HCK: variants seen among roughly 807,000 people sequenced by gnomAD.
HCK encodes HCK proto-oncogene, Src family tyrosine kinase, also known as tyrosine-protein kinase HCK.
HCK carries 40 observed loss-of-function variants against 70.4 expected under a neutral mutation model. That is an observed-to-expected ratio of 0.57 (90% CI 0.44 to 0.74). The LOEUF (loss-of-function observed/expected upper bound fraction) is 0.74, where lower values mean the gene tolerates loss of function less well. HCK is among the 30% of genes least tolerant of loss of function. The probability of loss-of-function intolerance (pLI) is 0.00; values close to 1 mark genes in which losing one functional copy is unlikely to be tolerated. For missense variants in HCK, 568 were observed against 697.2 expected, an observed-to-expected ratio of 0.81 and a Z score of 2.09; for synonymous variants, 245 against 263.2, an observed-to-expected ratio of 0.93 and a Z score of 0.67.
At chr20:32,066,242 A>G (rs1330592454) in intron 1 of HCK, among the ~76,000 whole-genome samples, 1 of 149,646 alleles carries the variant, frequency 6.7e-6, no homozygotes, top group Non-Finnish European at 1.5e-5. Flanking sequence ...ACTCACCAAC[A>G]TACTATAGAT....
chr20:32,076,321 T>G (rs2045625373), intron 5 of HCK, among the ~76,000 whole-genome samples: 1 of 151,438 alleles, frequency 6.6e-6, no homozygotes, highest in Non-Finnish European at 1.5e-5. Context: ...AGAGCGATAC[T>G]CTGTCAAAAA....
intron 1 of HCK, 40 bp from the exon 2 acceptor site, chr20:32,071,622 T>C: frequency 6.2e-7 from 1 of 1,606,574 alleles, no homozygotes; most frequent in Non-Finnish European, 8.5e-7. Flanking sequence ...CGCATGAGGC[T>C]CTTGGTAACT....
intron 1 of HCK, among the ~76,000 whole-genome samples, chr20:32,053,482 A>G (rs1051816834): frequency 1.3e-4 from 20 of 151,840 alleles, no homozygotes; most frequent in African/African-American, 4.8e-4. Flanking sequence ...TACTAAAAGT[A>G]CAAAAATTAG....
intron 2 of HCK, 75 bp from the exon 3 acceptor site, chr20:32,073,244 C>A: frequency 7.8e-7 from 1 of 1,283,700 alleles, no homozygotes; most frequent in Non-Finnish European, 1.1e-6. Context: ...CTTGGGTGTC[C>A]TTCTCAACAC....
At chr20:32,052,541 G>A in intron 1 of HCK, 55 bp downstream of exon 1, 1 of 1,201,070 alleles carries the variant, frequency 8.3e-7, no homozygotes, top group Non-Finnish European at 1.1e-6. Context: ...GGTCCCAGGA[G>A]GCGGAGGGAG....
At chr20:32,061,206 A>T (rs531814819) in intron 1 of HCK, among the ~76,000 whole-genome samples, 11 of 151,356 alleles carry the variant, frequency 7.3e-5, no homozygotes, top group South Asian at 4.2e-4. Context: ...CTGGTCTTGA[A>T]CTCCTGACCT....
chr20:32,071,066 A>T (rs573961428), intron 1 of HCK, among the ~76,000 whole-genome samples: 92 of 152,276 alleles, frequency 6.0e-4, no homozygotes, highest in Non-Finnish European at 1.2e-3. Context: ...AGATTGTTTG[A>T]GCCATGTTAT....
At chr20:32,094,743 A>C (rs533511199) in intron 11 of HCK, among the ~76,000 whole-genome samples, 1 of 136,402 alleles carries the variant, frequency 7.3e-6, no homozygotes, top group Non-Finnish European at 1.6e-5. Context: ...GAAAGAAAGA[A>C]AGAAAGAAAG....
intron 11 of HCK, among the ~76,000 whole-genome samples, chr20:32,097,097 T>C (rs1287927874): frequency 1.3e-5 from 2 of 151,034 alleles, no homozygotes; most frequent in Admixed American, 6.6e-5. Flanking sequence ...CTGGGCAATA[T>C]AGCAAGACCC....
chr20:32,076,448 G>A (rs2045627501), intron 5 of HCK, among the ~76,000 whole-genome samples: 1 of 152,104 alleles, frequency 6.6e-6, no homozygotes. Flanking sequence ...TCCACTCCAG[G>A]GTCTGAACAC....
rs758417058 is a variant in HCK at position 32,071,802 on chromosome 20, G to A, written c.183+20G>A. ...AAGCCGGTGAGTAGGGGAGGTCCCA[G>A]TTTCCCTGGGGGCTGACGGATGCTG... is the stretch of plus-strand genomic sequence containing the variant. On this transcript the variant is annotated intron_variant, in intron 2 of 12. Transcript: ENST00000375852. The A allele has an allele frequency of 6.2e-7, 1 of 1,611,138 alleles. No homozygotes were observed. The highest frequency in any genetic ancestry group is 8.5e-7 in the Non-Finnish European group (1 of 1,178,424).
intron 7 of HCK, 65 bp downstream of exon 7, chr20:32,084,108 C>T (rs546904969): frequency 1.2e-5 from 18 of 1,540,196 alleles, no homozygotes; most frequent in South Asian, 7.9e-5. Flanking sequence ...GTCACGGATG[C>T]ACTGTGGCCC....
At chr20:32,053,360 G>A (rs1428524140) in intron 1 of HCK, among the ~76,000 whole-genome samples, 3 of 152,004 alleles carry the variant, frequency 2.0e-5, no homozygotes, top group Admixed American at 1.3e-4. Context: ...TGAAGGGGCC[G>A]GGCAGGGTGG....
intron 1 of HCK, among the ~76,000 whole-genome samples, chr20:32,058,663 C>T (rs541069595): frequency 6.0e-5 from 9 of 149,644 alleles, no homozygotes; most frequent in South Asian, 4.3e-4. Flanking sequence ...TCCATCATGG[C>T]GTATATGTCT....
At chr20:32,089,863 A>T (rs994561325) in intron 10 of HCK, among the ~76,000 whole-genome samples, 3 of 152,248 alleles carry the variant, frequency 2.0e-5, no homozygotes. Flanking sequence ...GTAGATGAAG[A>T]GAAAAGGTAA....
intron 10 of HCK, 33 bp downstream of exon 10, chr20:32,088,677 A>G (rs767983967): frequency 6.4e-7 from 1 of 1,572,790 alleles, no homozygotes. Flanking sequence ...GGGAAGGGAA[A>G]CAGGAATTCG....
At position 32,078,022 on chromosome 20, in the gene HCK, G is replaced by T. The variant is rs1289670376; in HGVS notation, c.429-1752G>T. The stretch of plus-strand genomic sequence containing the variant: ...ACCAGAATTGTCAGGGAGACAGTTG[G>T]TTTTTTTTGTTTGTTTGTTTGTTTG... On this transcript the variant is annotated intron_variant, in intron 5 of 12. Transcript: ENST00000375852. Among the ~76,000 whole-genome samples the T allele has an allele frequency of 4.0e-5, 6 of 149,180 alleles. 1 individual carries two copies. The highest frequency in any genetic ancestry group is 8.9e-5 in the Non-Finnish European group (6 of 67,282).
Position 32,099,011 on chromosome 20 carries a change from GTTCC to G in HCK, c.1255_1258del (p.Phe419ProfsTer28). 6.2e-7 allele frequency: 1 copy of G among 1,614,150 alleles called. No individual in the cohort carries two copies. The highest frequency in any genetic ancestry group is 8.5e-7 in the Non-Finnish European group (1 of 1,180,012). ...CTCTGTTCAACCCTGCAGGGGCCAA[GTTCC>G]CCATCAAGTGGACAGCTCCTGAAGC... On this transcript the variant is annotated frameshift_variant, in exon 12 of 13. Transcript: ENST00000375852. LOFTEE classifies it high-confidence loss of function.
At chr20:32,078,717 TGTA>T (rs2045663875) in intron 5 of HCK, among the ~76,000 whole-genome samples, 1 of 151,198 alleles carries the variant, frequency 6.6e-6, no homozygotes, top group African/African-American at 2.4e-5. Flanking sequence ...ATTAGCTAGG[TGTA>T]GTGGTGGGTG....
Sources: allele counts gnomAD v4.1 joint callset (sites outside exome capture counted in the v4.1 genomes callset), GRCh38; gene constraint gnomAD v4.1.1; transcripts MANE v1.5; gene names NCBI Gene and HGNC (gene_info 2026-07-23, HGNC 2026-07-21).